Variants in GRB7 observed in about 807,000 individuals in gnomAD.
GRB7 encodes growth factor receptor-bound protein 7.
GRB7 carries 47 observed loss-of-function variants against 64.1 expected under a neutral mutation model. The ratio of observed to expected loss-of-function variants is 0.73; its 90% confidence interval spans 0.58 to 0.94. The LOEUF (loss-of-function observed/expected upper bound fraction) is 0.94. Ranked by LOEUF, GRB7 falls within the 40% of genes least tolerant of loss-of-function variation. GRB7 has a pLI of 0.00. For missense variants in GRB7, 634 were observed against 718.4 expected (o/e 0.88, Z 1.34); for synonymous variants, 277 against 279.9 (o/e 0.99, Z 0.10).
chr17:39,741,382 G>T (rs2059992997), intron 1 of GRB7, among the ~76,000 whole-genome samples: 1 of 152,136 alleles, frequency 6.6e-6, no homozygotes, highest in African/African-American at 2.4e-5. Flanking sequence ...CCTACCCCAG[G>T]CCCTGCTCTC....
In GRB7 at chr17:39,742,915, T is replaced by C; in HGVS notation, c.324T>C (p.Ser108=). 6.2e-7 allele frequency: 1 copy of C among 1,603,154 alleles called. No individual in the cohort carries two copies. Among genetic ancestry groups the C allele is most frequent in the African/African-American group, 1.3e-5 (1 of 74,698 alleles). ...ASRPHVVKVY[S]EDGACRSVEV... ...GGGCGCAGGTAGTAAAGGTGTACAG[T>C]GAGGATGGGGCCTGCAGGTCTGTGG... is the stretch of plus-strand genomic sequence containing the variant. Residue 108 remains serine (S), a synonymous_variant, in exon 4 of 15, where the codon AGT becomes AGC. Coordinates refer to ENST00000309156, the MANE Select transcript of GRB7 (RefSeq NM_005310.5).
At position 39,746,844 on chromosome 17, in the gene GRB7, C is replaced by T. The variant is rs765493305; in HGVS notation, c.1546C>T (p.Arg516Cys). ...GCTCGTGGAGTTCCACCAGCTGAAC[C>T]GCGGCATCCTGCCGTGCTTGCTGCG... Reference protein sequence around the residue: ...LQLVEFHQLNRGILPCLLRHC... With the variant: ...LQLVEFHQLNCGILPCLLRHC... Residue 516 changes from arginine to cysteine, a missense_variant, in exon 15 of 15, where the codon CGC becomes TGC. Arg to Cys is a radical substitution (Grantham distance 180). Coordinates refer to ENST00000309156, the MANE Select transcript of GRB7 (RefSeq NM_005310.5). The T allele has an allele frequency of 5.6e-6, 9 of 1,613,420 alleles. No homozygotes were observed. In the Admixed American group the frequency reaches 6.7e-5, roughly 12 times the overall value.
At position 39,743,456 on chromosome 17, in the gene GRB7, G is replaced by GAAGA. The variant is rs2060015210; in HGVS notation, c.650_653dup (p.Asp218GlufsTer15). The GAAGA allele has an allele frequency of 6.2e-7, 1 of 1,613,954 alleles. No individual in the cohort carries two copies. Among genetic ancestry groups the GAAGA allele is most frequent in the Non-Finnish European group, 8.5e-7 (1 of 1,179,968 alleles). ...CGATGCACACACTGGTATATCCCATGAAGACCTCATCCAGGTGGGGGGACC... is the reference window on the plus strand; with the variant it reads ...CGATGCACACACTGGTATATCCCATGAAGAAAGACCTCATCCAGGTGGGGGGACC... On this transcript the variant is annotated frameshift_variant, in exon 6 of 15. Transcript: ENST00000309156. LOFTEE classifies it high-confidence loss of function.
intron 1 of GRB7, chr17:39,740,197 G>A: frequency 1.0e-6 from 1 of 982,452 alleles, no homozygotes; most frequent in Non-Finnish European, 1.2e-6. Flanking sequence ...ACTGGGGTGG[G>A]AGTGGGGGAT....
Position 39,738,778 on chromosome 17 carries a change from T to C in GRB7, c.-51+645T>C. 5.0e-6 allele frequency: 4 copies of C among 806,232 alleles called. No individual in the cohort carries two copies. The South Asian group carries it at 6.0e-5, about 12-fold the overall frequency. The allele number at this position is 806,232 out of a possible 1,614,324, so 49.9% of individuals were successfully genotyped here. On this transcript the variant is annotated intron_variant, in intron 1 of 14. Transcript: ENST00000309156. ...CTCTAAGACAGACGTCTCTGCGGGCTGCGGGGAGATGTGGGGAGGGCCCCC... is the reference window on the plus strand; with the variant it reads ...CTCTAAGACAGACGTCTCTGCGGGCCGCGGGGAGATGTGGGGAGGGCCCCC...
intron 1 of GRB7, chr17:39,738,728 T>G: frequency 1.9e-6 from 1 of 539,116 alleles, no homozygotes; most frequent in Non-Finnish European, 3.2e-6. Flanking sequence ...TCGCCCAGTT[T>G]ACCCCAGTTT....
In GRB7 at chr17:39,747,067, C is replaced by T. The variant is rs2060055037; in HGVS notation, c.*170C>T. The T allele has an allele frequency of 7.1e-6, 5 of 701,744 alleles. 1 individual carries two copies. The South Asian group carries it at 9.6e-5, about 13-fold the overall frequency. The allele number at this position is 701,744 out of a possible 1,614,324, so 43.5% of individuals were successfully genotyped here. ...TTTGCCTCCCTCAGATAGAAAACAG[C>T]CCCCACTCCAGTCCACTCCTGACCC... On this transcript the variant is annotated 3_prime_UTR_variant, in exon 15 of 15. Coordinates refer to ENST00000309156, the MANE Select transcript of GRB7 (RefSeq NM_005310.5).
chr17:39,740,283 T>C, intron 1 of GRB7: 1 of 453,802 alleles, frequency 2.2e-6, no homozygotes, highest in Non-Finnish European at 2.9e-6. Flanking sequence ...GGCAGGACCC[T>C]GAGCCCCCTC....
At chr17:39,740,188 C>G (rs982794448) in intron 1 of GRB7, 1 of 984,902 alleles carries the variant, frequency 1.0e-6, no homozygotes, top group Non-Finnish European at 1.2e-6. Context: ...GGAGGTTAGA[C>G]TGGGGTGGGA....
chr17:39,741,842 T>C (rs917144207), intron 1 of GRB7, among the ~76,000 whole-genome samples: 3 of 151,766 alleles, frequency 2.0e-5, no homozygotes, highest in African/African-American at 7.3e-5. Context: ...AAACCCTGTC[T>C]CTACTAAAAA....
At chr17:39,739,583 C>G (rs977155224) in intron 1 of GRB7, among the ~76,000 whole-genome samples, 4 of 152,270 alleles carry the variant, frequency 2.6e-5, no homozygotes, top group Admixed American at 6.5e-5. Flanking sequence ...AGCCCTTCCC[C>G]CTGCTCTGGG....
In GRB7 at chr17:39,746,789, T is replaced by C. The variant is rs1480080127; in HGVS notation, c.1491T>C (p.Asp497=). Residue 497 remains aspartate, a synonymous_variant, in exon 15 of 15, where the codon GAT becomes GAC. Coordinates refer to ENST00000309156, the MANE Select transcript of GRB7 (RefSeq NM_005310.5). The part of the protein sequence containing the change: ...EEGRLYFSMD[D]GQTRFTDLLQ... ...GCCGCCTGTACTTCAGCATGGATGA[T>C]GGCCAGACCCGCTTCACTGACCTGC... is the stretch of plus-strand genomic sequence containing the variant. 3 of 1,614,110 alleles carry C rather than the reference T, an allele frequency of 1.9e-6. No individual in the cohort carries two copies. The highest frequency in any genetic ancestry group is 2.2e-5 in the East Asian group (1 of 44,882).
In GRB7 at chr17:39,743,249, G is replaced by A. The variant is rs200603743; in HGVS notation, c.533G>A (p.Arg178His). 3.0e-5 allele frequency: 49 copies of A among 1,614,168 alleles called. No individual in the cohort carries two copies. The highest frequency in any genetic ancestry group is 6.7e-5 in the African/African-American group (5 of 75,038). The change falls in exon 5 of 15, where the codon CGC (arginine) becomes CAC (histidine). Residue 178 changes from arginine (R) to histidine (H), a missense_variant. Arg to His is a conservative substitution (Grantham distance 29). Around this residue, in one of 2 missense-constraint regions of GRB7, gnomAD observed 467 missense variants for 576.6 expected, o/e 0.81. Transcript: ENST00000309156. ...GCCTGGCCCGTGGGCGGAGATAGCC[G>A]CTTCGTCTTCCGGAAAAACTTCGCC... ...QAAWPVGGDS[R>H]FVFRKNFAKY...
Position 39,746,805 on chromosome 17 carries a change from A to G in GRB7, c.1507A>G (p.Thr503Ala). The change falls in exon 15 of 15, where the codon ACT (threonine) becomes GCT (alanine). Residue 503 changes from threonine to alanine, a missense_variant. By Grantham distance (58) the Thr-to-Ala change is moderately conservative. Transcript: ENST00000309156. The part of the protein sequence containing the change: ...FSMDDGQTRF[T>A]DLLQLVEFHQ... ...CATGGATGATGGCCAGACCCGCTTC[A>G]CTGACCTGCTGCAGCTCGTGGAGTT... 1 of 1,614,004 alleles carries G rather than the reference A, an allele frequency of 6.2e-7. No homozygotes were observed. Among genetic ancestry groups the G allele is most frequent in the Middle Eastern group, 1.6e-4 (1 of 6,062 alleles).
chr17:39,741,110 A>C (rs2059990865), intron 1 of GRB7, among the ~76,000 whole-genome samples: 1 of 152,086 alleles, frequency 6.6e-6, no homozygotes, highest in African/African-American at 2.4e-5. Context: ...TGCAGCCCCT[A>C]TAAGTGATAA....
intron 1 of GRB7, chr17:39,738,789 GT>G: frequency 1.1e-6 from 1 of 930,692 alleles, no homozygotes; most frequent in Non-Finnish European, 1.6e-6. Context: ...GCGGGGAGAT[GT>G]GGGGAGGGCC....
chr17:39,744,176 G>A lies in GRB7; in HGVS notation c.770G>A (p.Gly257Asp). 2 of 1,614,072 alleles carry A rather than the reference G, an allele frequency of 1.2e-6. No homozygotes were observed. The highest frequency in any genetic ancestry group is 1.7e-6 in the Non-Finnish European group (2 of 1,180,012). ...TTTTTCTGCTTCTTGCGCCGATCTG[G>A]CCTCTATTACTCCACCAAGGGCACC... ...KRFFCFLRRS[G>D]LYYSTKGTSK... Residue 257 changes from glycine (G) to aspartate (D), a missense_variant, in exon 7 of 15, where the codon GGC becomes GAC. Coordinates refer to ENST00000309156, the MANE Select transcript of GRB7 (RefSeq NM_005310.5).
At position 39,740,523 on chromosome 17, in the gene GRB7, C is replaced by T. The variant is rs995628038; in HGVS notation, c.-50-1729C>T. Among the ~76,000 whole-genome samples the T allele has an allele frequency of 5.3e-5, 8 of 152,072 alleles. No homozygotes were observed. In the East Asian group the frequency reaches 5.8e-4, roughly 11 times the overall value. On this transcript the variant is annotated intron_variant, in intron 1 of 14. Coordinates refer to ENST00000309156, the MANE Select transcript of GRB7 (RefSeq NM_005310.5). Reference sequence around the variant, plus strand: ...GGGCATTGCCTCTCTCCTTCCCAGGCGAGGGACTCCCTGGCGAGGAGGTGG... The same window carrying T: ...GGGCATTGCCTCTCTCCTTCCCAGGTGAGGGACTCCCTGGCGAGGAGGTGG...
In GRB7 at chr17:39,741,157, G is replaced by A. The variant is rs377176830; in HGVS notation, c.-50-1095G>A. Among the ~76,000 whole-genome samples, 4 of 152,170 alleles carry A rather than the reference G, an allele frequency of 2.6e-5. No individual in the cohort carries two copies. In the East Asian group the frequency reaches 5.8e-4, roughly 22 times the overall value. On this transcript the variant is annotated intron_variant, in intron 1 of 14. Coordinates refer to ENST00000309156, the MANE Select transcript of GRB7 (RefSeq NM_005310.5). The stretch of plus-strand genomic sequence containing the variant: ...GATTGGCCTTGCCTGGGGGTACCAG[G>A]TGCCCTCAGACAAATGGGTGGATAG...
Sources: allele counts gnomAD v4.1 joint callset (sites outside exome capture counted in the v4.1 genomes callset), GRCh38; gene constraint gnomAD v4.1.1; regional missense constraint gnomAD v4.1.1; transcripts MANE v1.5; gene names NCBI Gene and HGNC (gene_info 2026-07-23, HGNC 2026-07-21).